Variants in LRMDA observed in about 807,000 individuals in gnomAD.
LRMDA encodes leucine rich melanocyte differentiation associated, also known as leucine-rich melanocyte differentiation-associated protein.
A neutral mutation model predicts 29.8 loss-of-function variants in LRMDA; 18 were observed. The ratio of observed to expected loss-of-function variants is 0.60; its 90% CI spans 0.42 to 0.90. LRMDA has a LOEUF of 0.90. Among genes scored for constraint, LRMDA ranks in the 40% least tolerant of loss-of-function variants. The probability of loss-of-function intolerance (pLI) is 0.00; values close to 1 mark genes in which losing one functional copy is unlikely to be tolerated. For synonymous variants in LRMDA, 125 were observed against 109.4 expected (o/e 1.14, Z -0.89); for missense variants, 273 against 273.9 (o/e 1.00, Z 0.02).
intron 5 of LRMDA, among the ~76,000 whole-genome samples, chr10:76,123,165 A>G (rs1357137664): frequency 6.6e-6 from 1 of 152,070 alleles, no homozygotes; most frequent in Non-Finnish European, 1.5e-5. Context: ...TTGGGATTGA[A>G]TTCTACTGGG....
chr10:75,580,200 A>G (rs1247788784), intron 2 of LRMDA, among the ~76,000 whole-genome samples: 1 of 152,238 alleles, frequency 6.6e-6, no homozygotes, highest in Non-Finnish European at 1.5e-5. Flanking sequence ...AATCTCCTTA[A>G]GCTGATAAAA....
chr10:76,312,537 C>T (rs572672614), intron 5 of LRMDA, among the ~76,000 whole-genome samples: 2 of 152,182 alleles, frequency 1.3e-5, no homozygotes, highest in East Asian at 3.9e-4. Flanking sequence ...GAGGCAAGTT[C>T]CTTCTTTTAA....
At chr10:75,794,938 A>G (rs908741515) in intron 2 of LRMDA, among the ~76,000 whole-genome samples, 1 of 118,030 alleles carries the variant, frequency 8.5e-6, no homozygotes, top group Non-Finnish European at 2.0e-5. Context: ...ATAAATACCT[A>G]TTTATCATTT....
intron 5 of LRMDA, among the ~76,000 whole-genome samples, chr10:76,139,463 T>C (rs1334775904): frequency 1.3e-5 from 2 of 152,306 alleles, no homozygotes; most frequent in Middle Eastern, 3.4e-3. Flanking sequence ...TTACTCTGGT[T>C]TCAAATATTA....
chr10:75,764,928 C>CGTGTGT (rs57422251), intron 2 of LRMDA, among the ~76,000 whole-genome samples: 4,790 of 142,822 alleles, frequency 0.034, 92 homozygotes, highest in African/African-American at 0.048. Context: ...GCAAGAGACA[C>CGTGTGT]GTGTGTGTGT....
intron 2 of LRMDA, among the ~76,000 whole-genome samples, chr10:75,554,888 C>T (rs1344508735): frequency 6.6e-6 from 1 of 152,086 alleles, no homozygotes. Context: ...AAGTCATTTA[C>T]TTTTCTTTTT....
At chr10:75,528,005 T>C (rs1342023113) in intron 2 of LRMDA, among the ~76,000 whole-genome samples, 1 of 151,910 alleles carries the variant, frequency 6.6e-6, no homozygotes, top group African/African-American at 2.4e-5. Flanking sequence ...AGGCTGGTCT[T>C]GAACTCCTGA....
chr10:75,641,924 A>C (rs1460080834), intron 2 of LRMDA, among the ~76,000 whole-genome samples: 1 of 152,186 alleles, frequency 6.6e-6, no homozygotes, highest in Non-Finnish European at 1.5e-5. Context: ...CAGGCCATGA[A>C]GTTTAATTTT....
intron 6 of LRMDA, among the ~76,000 whole-genome samples, chr10:76,387,212 T>A (rs968814390): frequency 1.3e-5 from 2 of 152,218 alleles, no homozygotes; most frequent in Non-Finnish European, 2.9e-5. Flanking sequence ...CAAAGATGTA[T>A]ATAAAAGACT....
chr10:76,502,755 T>C (rs1842923503), intron 6 of LRMDA, among the ~76,000 whole-genome samples: 1 of 151,812 alleles, frequency 6.6e-6, no homozygotes, highest in Non-Finnish European at 1.5e-5. Context: ...TCTTTCTTTT[T>C]TTTTTGCTAA....
At chr10:76,045,480 A>G (rs188975431) in intron 3 of LRMDA, among the ~76,000 whole-genome samples, 1 of 150,710 alleles carries the variant, frequency 6.6e-6, no homozygotes, top group East Asian at 2.0e-4. Flanking sequence ...CTCTTTTGCT[A>G]GTTTCCCTCT....
chr10:76,548,646 A>G (rs1405069045), intron 6 of LRMDA, among the ~76,000 whole-genome samples: 1 of 152,182 alleles, frequency 6.6e-6, no homozygotes, highest in African/African-American at 2.4e-5. Context: ...GTAGGAGCCA[A>G]AAAAGGGAGC....
In LRMDA at chr10:76,334,981, G is replaced by A. The variant is rs576829769; in HGVS notation, c.601+10496G>A. Among the ~76,000 whole-genome samples the A allele has an allele frequency of 2.6e-5, 4 of 152,312 alleles. No individual in the cohort carries two copies. The East Asian group carries it at 5.8e-4, about 22-fold the overall frequency. On this transcript the variant is annotated intron_variant, in intron 6 of 6. Transcript: ENST00000611255. ...GAGTGCAGAGAAGGGAGGGATCTGT[G>A]ATGATAGAAAGATTGGGAGGTGGCC...
At chr10:76,490,772 A>C (rs534140742) in intron 6 of LRMDA, among the ~76,000 whole-genome samples, 1 of 152,018 alleles carries the variant, frequency 6.6e-6, no homozygotes, top group South Asian at 2.1e-4. Context: ...GTCCATTTAC[A>C]TGTATTATTA....
chr10:75,670,661 AG>A (rs1172278012), intron 2 of LRMDA, among the ~76,000 whole-genome samples: 2 of 152,140 alleles, frequency 1.3e-5, no homozygotes, highest in Non-Finnish European at 2.9e-5. Context: ...GTTGACCATT[AG>A]GTTCTTTCTC....
At chr10:75,677,811 G>A (rs942577955) in intron 2 of LRMDA, among the ~76,000 whole-genome samples, 1 of 152,082 alleles carries the variant, frequency 6.6e-6, no homozygotes, top group Admixed American at 6.6e-5. Flanking sequence ...CTAAAAATTG[G>A]ACCACCCATC....
chr10:75,478,110 G>A (rs1297156339), intron 2 of LRMDA, among the ~76,000 whole-genome samples: 1 of 152,224 alleles, frequency 6.6e-6, no homozygotes, highest in Non-Finnish European at 1.5e-5. Context: ...AGGCCTGGGA[G>A]GAGGCCTTTA....
intron 6 of LRMDA, among the ~76,000 whole-genome samples, chr10:76,418,304 C>A (rs927272091): frequency 6.7e-6 from 1 of 150,136 alleles, no homozygotes; most frequent in African/African-American, 2.4e-5. Flanking sequence ...CTTTAGTTAA[C>A]TCAATAATAA....
chr10:75,565,812 T>C (rs1028539961), intron 2 of LRMDA, among the ~76,000 whole-genome samples: 1 of 152,228 alleles, frequency 6.6e-6, no homozygotes, highest in Admixed American at 6.5e-5. Context: ...CAATGGCTCA[T>C]GCCTGTAATG....
Sources: gnomAD v4.1 joint callset for allele counts (sites outside exome capture counted in the v4.1 genomes callset) on GRCh38, gnomAD v4.1.1 for gene constraint, MANE v1.5 for transcripts, NCBI Gene and HGNC (gene_info 2026-07-23, HGNC 2026-07-21) for gene names.